Variants in SRGAP1 observed in about 807,000 individuals in gnomAD.
SRGAP1 encodes the protein SLIT-ROBO Rho GTPase activating protein 1, also known as SLIT-ROBO Rho GTPase-activating protein 1.
SRGAP1 carries 43 observed loss-of-function variants against 121.9 expected under a neutral mutation model. The observed-to-expected ratio is 0.35, with a 90% CI of 0.28 to 0.46. SRGAP1 has a LOEUF of 0.46. SRGAP1 is among the 20% of genes least tolerant of loss of function. The probability of loss-of-function intolerance (pLI) is 1.00; values close to 1 mark genes in which losing one functional copy is unlikely to be tolerated. For missense variants in SRGAP1, 1,102 were observed against 1,350.9 expected (o/e 0.82, Z 2.89); for synonymous variants, 447 against 485.4 (o/e 0.92, Z 1.04).
At position 64,160,722 on chromosome 12, in the gene SRGAP1, A is replaced by AT. The variant is rs150516577; in HGVS notation, c.*18054dup. ...AATATCAGTATGGTAGGTGAGGAAG[A>AT]TTTTCTCAGAGTGGCTCATTATCTG... On this transcript the variant is annotated 3_prime_UTR_variant, in exon 22 of 22. Transcript: ENST00000355086. 1.7e-3 allele frequency: 257 copies of AT among 152,244 alleles called. 1 individual carries two copies. The highest frequency in any genetic ancestry group is 6.0e-3 in the African/African-American group (250 of 41,552). The allele number at this position is 152,244 out of a possible 1,614,324, so 9.4% of individuals were successfully genotyped here.
Position 63,990,010 on chromosome 12 carries a change from C to T in SRGAP1, c.364C>T (p.Leu122=). 3 of 1,613,878 alleles carry T rather than the reference C, an allele frequency of 1.9e-6. No individual in the cohort carries two copies. Among genetic ancestry groups the T allele is most frequent in the Non-Finnish European group, 2.5e-6 (3 of 1,179,848 alleles). The change falls in exon 3 of 22, where the codon CTG becomes TTG. Residue 122 remains leucine (L), a synonymous_variant. Transcript: ENST00000355086. ...CCATGCAACCTTGAGTGACATCTAT[C>T]TGAACAATGTGATTATGCGGTTCAT... ...KDHATLSDIY[L]NNVIMRFMQI... is the part of the protein sequence containing the mutation.
intron 2 of SRGAP1, among the ~76,000 whole-genome samples, chr12:63,989,284 T>C (rs1360772657): frequency 6.6e-6 from 1 of 152,216 alleles, no homozygotes; most frequent in African/African-American, 2.4e-5. Flanking sequence ...AACAGTTTAA[T>C]GGGTTTCAAC....
At chr12:64,108,853 C>A in intron 15 of SRGAP1, 79 bp from the exon 16 acceptor site, 2 of 914,880 alleles carry the variant, frequency 2.2e-6, no homozygotes, top group Non-Finnish European at 3.3e-6. Flanking sequence ...AGATGTGTAC[C>A]GGTAATACAT....
At chr12:63,872,160 A>G (rs1017453996) in intron 1 of SRGAP1, 5 of 368,756 alleles carry the variant, frequency 1.4e-5, no homozygotes, top group Middle Eastern at 3.8e-4. Flanking sequence ...ACATTTCGTT[A>G]TGTTTCATGA....
At chr12:64,142,254 A>T in intron 21 of SRGAP1, 41 bp from the exon 22 acceptor site, 3 of 1,590,970 alleles carry the variant, frequency 1.9e-6, no homozygotes, top group Non-Finnish European at 8.6e-7. Context: ...AGTATTCATT[A>T]TCAGTCTGTG....
At chr12:63,982,057 T>G (rs560693579) in intron 1 of SRGAP1, among the ~76,000 whole-genome samples, 6 of 151,634 alleles carry the variant, frequency 4.0e-5, no homozygotes, top group African/African-American at 1.5e-4. Context: ...ACTAAAAATA[T>G]AAAAAATTAG....
At chr12:63,959,463 C>G (rs922157402) in intron 1 of SRGAP1, among the ~76,000 whole-genome samples, 1 of 152,136 alleles carries the variant, frequency 6.6e-6, no homozygotes, top group Non-Finnish European at 1.5e-5. Context: ...CTCAAGAAAT[C>G]CAATTCAGCT....
intron 1 of SRGAP1, among the ~76,000 whole-genome samples, chr12:63,857,649 G>C (rs1457291428): frequency 6.6e-6 from 1 of 152,162 alleles, no homozygotes; most frequent in Non-Finnish European, 1.5e-5. Context: ...CTCCCAAAGT[G>C]CTGGGATTAC....
chr12:64,029,468 A>G (rs768314374), intron 4 of SRGAP1, among the ~76,000 whole-genome samples: 2 of 152,204 alleles, frequency 1.3e-5, no homozygotes, highest in Non-Finnish European at 2.9e-5. Flanking sequence ...GTCCATGTAC[A>G]GTGTTGGGCA....
chr12:64,080,501 T>G, intron 10 of SRGAP1, 131 bp downstream of exon 10: 1 of 815,076 alleles, frequency 1.2e-6, no homozygotes, highest in South Asian at 1.5e-5. Flanking sequence ...GATTTGGTTT[T>G]GTTTGTATAT....
chr12:63,993,463 T>C (rs1271187334), intron 3 of SRGAP1, among the ~76,000 whole-genome samples: 2 of 152,194 alleles, frequency 1.3e-5, no homozygotes, highest in African/African-American at 4.8e-5. Flanking sequence ...TGAAGCAGCC[T>C]TTAGAACTGC....
At chr12:63,907,784 G>C (rs1351771857) in intron 1 of SRGAP1, among the ~76,000 whole-genome samples, 1 of 152,078 alleles carries the variant, frequency 6.6e-6, no homozygotes, top group East Asian at 1.9e-4. Context: ...TTATTTCTAA[G>C]TAACCATTGC....
intron 1 of SRGAP1, among the ~76,000 whole-genome samples, chr12:63,933,131 C>T (rs781310502): frequency 7.2e-5 from 11 of 152,106 alleles, no homozygotes; most frequent in Admixed American, 3.3e-4. Flanking sequence ...GAGGTTGCAG[C>T]AAGCTGAGAT....
intron 1 of SRGAP1, among the ~76,000 whole-genome samples, chr12:63,971,787 CTTT>C (rs201325762): frequency 6.6e-6 from 1 of 150,724 alleles, no homozygotes; most frequent in South Asian, 2.1e-4. Flanking sequence ...TGTGTGTGAT[CTTT>C]TTTTTAGCTG....
At chr12:63,927,913 A>G (rs1345707912) in intron 1 of SRGAP1, among the ~76,000 whole-genome samples, 1 of 152,140 alleles carries the variant, frequency 6.6e-6, no homozygotes, top group African/African-American at 2.4e-5. Flanking sequence ...CTCAGAGCCA[A>G]CGTGCATTCA....
At chr12:63,988,792 G>T (rs1455676694) in intron 2 of SRGAP1, among the ~76,000 whole-genome samples, 1 of 152,048 alleles carries the variant, frequency 6.6e-6, no homozygotes, top group Non-Finnish European at 1.5e-5. Context: ...ACTTTTTAAA[G>T]AAAAAACAAA....
At chr12:63,954,916 C>T (rs192902276) in intron 1 of SRGAP1, among the ~76,000 whole-genome samples, 2 of 152,176 alleles carry the variant, frequency 1.3e-5, no homozygotes, top group African/African-American at 4.8e-5. Flanking sequence ...TGCAAAGTGT[C>T]CCAATTGTCA....
At chr12:63,849,262 G>A (rs571686314) in intron 1 of SRGAP1, among the ~76,000 whole-genome samples, 1 of 152,274 alleles carries the variant, frequency 6.6e-6, no homozygotes, top group South Asian at 2.1e-4. Flanking sequence ...TAATTGGCTA[G>A]CAGAAGGTTT....
chr12:63,984,178 T>C, intron 2 of SRGAP1, 36 bp downstream of exon 2: 1 of 1,248,072 alleles, frequency 8.0e-7, no homozygotes, highest in Non-Finnish European at 1.1e-6. Flanking sequence ...TTTCCAAGGG[T>C]GATATCCATA....
Sources: gnomAD v4.1 joint callset for allele counts (sites outside exome capture counted in the v4.1 genomes callset) on GRCh38, gnomAD v4.1.1 for gene constraint, MANE v1.5 for transcripts, NCBI Gene and HGNC (gene_info 2026-07-23, HGNC 2026-07-21) for gene names.